Variants in TENM4 observed in about 807,000 individuals in gnomAD.
The protein encoded by TENM4 is teneurin transmembrane protein 4, also known as teneurin-4.
Under a neutral mutation model 243.3 loss-of-function variants are expected in TENM4, and 82 were observed. The observed-to-expected ratio is 0.34, with a 90% CI of 0.28 to 0.40. TENM4 has a LOEUF of 0.40. Among genes scored for constraint, TENM4 ranks in the 10% least tolerant of loss-of-function variants. The pLI, the probability that TENM4 is intolerant of heterozygous loss-of-function variation, is 1.00. For synonymous variants in TENM4, 1,412 were observed against 1,456.3 expected, an observed-to-expected ratio of 0.97 and a Z score of 0.69; for missense variants, 3,138 against 3,673.3, an observed-to-expected ratio of 0.85 and a Z score of 3.77.
chr11:79,061,853 G>A (rs1198050477), intron 6 of TENM4, among the ~76,000 whole-genome samples: 1 of 152,140 alleles, frequency 6.6e-6, no homozygotes, highest in Non-Finnish European at 1.5e-5. Flanking sequence ...TTTCCTTACT[G>A]TGTGCAATGG....
intron 6 of TENM4, among the ~76,000 whole-genome samples, chr11:78,929,542 G>C (rs1037412146): frequency 1.3e-5 from 2 of 152,202 alleles, no homozygotes; most frequent in South Asian, 2.1e-4. Context: ...TCTTTAAATG[G>C]TTCTTGGGGA....
chr11:79,356,758 TA>T (rs34232430), intron 1 of TENM4, among the ~76,000 whole-genome samples: 28,884 of 149,208 alleles, frequency 0.19, 3,234 homozygotes, highest in East Asian at 0.31. Flanking sequence ...TTGTATTGGG[TA>T]AAAAAAAAAA....
rs185524833 is a variant in TENM4 at position 79,052,958 on chromosome 11, C to T, written c.493+11780G>A. Among the ~76,000 whole-genome samples, 146 of 152,306 alleles carry T rather than the reference C, an allele frequency of 9.6e-4. No homozygotes were observed. In the Middle Eastern group the frequency reaches 0.017, roughly 18 times the overall value. On this transcript the variant is annotated intron_variant, in intron 6 of 33. Transcript: ENST00000278550. ...ACTGGCAAGCATGGTAACACATCAC[C>T]GTTCTTTGCTTCTCATCTTTCTTTG...
At position 79,340,689 on chromosome 11, in the gene TENM4, G is replaced by A. The variant is rs192329911; in HGVS notation, c.-320-43146C>T. Among the ~76,000 whole-genome samples, 5 of 152,104 alleles carry A rather than the reference G, an allele frequency of 3.3e-5. No individual in the cohort carries two copies. The East Asian group carries it at 9.7e-4, about 29-fold the overall frequency. ...ATGGCAGGCTTTCCTTCTATGCCTT[G>A]GTGCTCTTGCTTTGTTTGAAAGACC... On this transcript the variant is annotated intron_variant, in intron 1 of 33. Coordinates refer to ENST00000278550, the MANE Select transcript of TENM4 (RefSeq NM_001098816.3).
chr11:78,673,534 G>T (rs1195131427), intron 30 of TENM4, among the ~76,000 whole-genome samples: 1 of 152,206 alleles, frequency 6.6e-6, no homozygotes, highest in Non-Finnish European at 1.5e-5. Flanking sequence ...GCAGGTCTAG[G>T]AATGAAGGCC....
At chr11:78,805,533 C>T in intron 14 of TENM4, 41 bp from the exon 15 acceptor site, 1 of 1,546,584 alleles carries the variant, frequency 6.5e-7, no homozygotes, top group Non-Finnish European at 8.7e-7. Flanking sequence ...AGCATCTGAC[C>T]AGCAAAGGTG....
At chr11:78,962,382 G>GA (rs1350509142) in intron 6 of TENM4, among the ~76,000 whole-genome samples, 3 of 139,452 alleles carry the variant, frequency 2.2e-5, no homozygotes, top group Non-Finnish European at 4.5e-5. Context: ...AACACAGACA[G>GA]AAAAAATAAT....
intron 3 of TENM4, among the ~76,000 whole-genome samples, chr11:79,187,130 A>G (rs1206562103): frequency 1.3e-5 from 2 of 152,130 alleles, no homozygotes; most frequent in Non-Finnish European, 2.9e-5. Context: ...TGATATGATA[A>G]TGCTTTTGGG....
chr11:79,175,280 A>AT (rs1227717799), intron 3 of TENM4, among the ~76,000 whole-genome samples: 1 of 152,196 alleles, frequency 6.6e-6, no homozygotes, highest in Non-Finnish European at 1.5e-5. Context: ...TTTATATAAA[A>AT]TTTTTTCCAC....
chr11:79,440,090 C>T lies in TENM4; in HGVS notation c.-321+419G>A, dbSNP rs1859367955. Among the ~76,000 whole-genome samples the T allele has an allele frequency of 6.6e-6, 1 of 152,118 alleles. No homozygotes were observed. Among genetic ancestry groups the T allele is most frequent in the African/African-American group, 2.4e-5 (1 of 41,438 alleles). The stretch of plus-strand genomic sequence containing the variant: ...GAAGCCCGGCGCCGCCTCGCGGGCT[C>T]CTCCAGCGCCCGACGGGGGCCTGGG... On this transcript the variant is annotated intron_variant, in intron 1 of 33. Transcript: ENST00000278550. This position sits in a 1 kb window ranked among gnomAD's most constrained non-coding sequence, Gnocchi z 4.7.
chr11:79,049,335 C>T (rs757360726), intron 6 of TENM4, among the ~76,000 whole-genome samples: 18 of 152,190 alleles, frequency 1.2e-4, no homozygotes, highest in South Asian at 6.2e-4. Context: ...ACTAGCAGTG[C>T]GCTCTAACAG....
intron 6 of TENM4, among the ~76,000 whole-genome samples, chr11:78,938,041 C>T (rs1856823413): frequency 6.6e-6 from 1 of 152,218 alleles, no homozygotes; most frequent in South Asian, 2.1e-4. Flanking sequence ...TCTCTATAAT[C>T]ATCCTTCACC....
chr11:79,264,991 G>A (rs4294589), intron 2 of TENM4, among the ~76,000 whole-genome samples: 6,097 of 152,276 alleles, frequency 0.04, 416 homozygotes, highest in African/African-American at 0.14. Flanking sequence ...AGGCAGCCAG[G>A]TGTGGGGCCA....
rs1192529800 is a variant in TENM4, at chr11:78,676,196, C to T, written c.5452G>A (p.Glu1818Lys). 1 of 1,567,414 alleles carries T rather than the reference C, an allele frequency of 6.4e-7. No homozygotes were observed. Among genetic ancestry groups the T allele is most frequent in the East Asian group, 2.4e-5 (1 of 42,510 alleles). Residue 1818 changes from glutamate (E) to lysine (K), a missense_variant, in exon 30 of 34, where the codon GAG (glutamate) becomes AAG (lysine). Coordinates refer to ENST00000278550, the MANE Select transcript of TENM4 (RefSeq NM_001098816.3). ...ACAGTGACCTGGCCCCGAGCCTGCTCTTTGCGCTGGCGCCACTCCACCAGG... is the reference window on the plus strand; with the variant it reads ...ACAGTGACCTGGCCCCGAGCCTGCTTTTTGCGCTGGCGCCACTCCACCAGG... ...LNLVEWRQRKEQARGQVTVFG... is the reference protein window; with the variant it reads ...LNLVEWRQRKKQARGQVTVFG...
chr11:79,150,445 T>G (rs1392663209), intron 3 of TENM4, among the ~76,000 whole-genome samples: 1 of 152,108 alleles, frequency 6.6e-6, no homozygotes, highest in Admixed American at 6.6e-5. Flanking sequence ...AAACAGCCCT[T>G]CCCATGACCT....
intron 32 of TENM4, among the ~76,000 whole-genome samples, chr11:78,662,034 T>G (rs1007794770): frequency 6.6e-6 from 1 of 152,142 alleles, no homozygotes; most frequent in African/African-American, 2.4e-5. Flanking sequence ...CACACTCCCC[T>G]GCTCTCCCAC....
chr11:79,138,057 T>A (rs2137182468), intron 4 of TENM4, among the ~76,000 whole-genome samples: 1 of 151,768 alleles, frequency 6.6e-6, no homozygotes, highest in African/African-American at 2.4e-5. Flanking sequence ...GACCCACACT[T>A]AATCTGGGTG....
intron 9 of TENM4, among the ~76,000 whole-genome samples, chr11:78,878,933 G>A (rs1449393510): frequency 6.6e-6 from 1 of 152,252 alleles, no homozygotes. Context: ...AAATATAATG[G>A]CTTTTACACT....
chr11:79,308,205 G>C (rs944912341), intron 1 of TENM4, among the ~76,000 whole-genome samples: 1 of 152,210 alleles, frequency 6.6e-6, no homozygotes, highest in Non-Finnish European at 1.5e-5. Flanking sequence ...TCGCCTTTTT[G>C]TCCCATGGAC....
Sources: allele counts gnomAD v4.1 joint callset (sites outside exome capture counted in the v4.1 genomes callset), GRCh38; gene constraint gnomAD v4.1.1; non-coding constraint Gnocchi (gnomAD v3.1); transcripts MANE v1.5; gene names NCBI Gene and HGNC (gene_info 2026-07-23, HGNC 2026-07-21).